The following RYR2 variants were observed in gnomAD, a reference collection of about 807,000 sequenced individuals.
RYR2 encodes the protein ryanodine receptor 2.
In RYR2, 227 loss-of-function variants were observed where a neutral mutation model predicts 601.1. The observed-to-expected ratio is 0.38, with a 90% CI of 0.34 to 0.42. The LOEUF is 0.42. RYR2 is among the 10% of genes least tolerant of loss of function. RYR2 has a pLI of 1.00. For synonymous variants in RYR2, 2,223 were observed against 2,175.1 expected (o/e 1.02, Z -0.61); for missense variants, 4,646 against 6,156.5 (o/e 0.75, Z 8.21).
chr1:237,100,442 A>G (rs1667959794), intron 1 of RYR2, among the ~76,000 whole-genome samples: 1 of 149,366 alleles, frequency 6.7e-6, no homozygotes, highest in Admixed American at 6.7e-5. Flanking sequence ...GCTGGAGTGC[A>G]GTGGTGTGAT....
chr1:237,648,655 A>G (rs759333272), intron 49 of RYR2, 42 bp downstream of exon 49: 20 of 1,575,022 alleles, frequency 1.3e-5, no homozygotes, highest in Non-Finnish European at 1.7e-5. Flanking sequence ...TTGACTCTTC[A>G]CTCTGTGCCT....
chr1:237,218,591 T>A (rs1683440056), intron 1 of RYR2, among the ~76,000 whole-genome samples: 1 of 152,154 alleles, frequency 6.6e-6, no homozygotes, highest in Non-Finnish European at 1.5e-5. Flanking sequence ...TCTTTCAACT[T>A]TAGTGAAATC....
At chr1:237,354,948 A>G (rs1350433421) in intron 3 of RYR2, among the ~76,000 whole-genome samples, 1 of 152,148 alleles carries the variant, frequency 6.6e-6, no homozygotes, top group Non-Finnish European at 1.5e-5. Context: ...CTCATATTTT[A>G]AATATCACTT....
chr1:237,399,769 G>T (rs533746624), intron 10 of RYR2, among the ~76,000 whole-genome samples: 5 of 152,044 alleles, frequency 3.3e-5, no homozygotes, highest in African/African-American at 7.2e-5. Context: ...GAGGGGAGGG[G>T]AGGTACAGAA....
chr1:237,687,498 C>G lies in RYR2; in HGVS notation c.9061C>G (p.Leu3021Val). 1 of 1,597,462 alleles carries G rather than the reference C, an allele frequency of 6.3e-7. No homozygotes were observed. Among genetic ancestry groups the G allele is most frequent in the Non-Finnish European group, 8.5e-7 (1 of 1,169,946 alleles). ...LGVLVRHRIS[L>V]FGNDATSIVN... ...AGTTCTTGTCAGGCATAGGATTTCA[C>G]TATTTGGTAAGGAGACCCTTGAAAA... The change falls in exon 63 of 105, where the codon CTA (leucine) becomes GTA (valine). Residue 3021 changes from leucine (L) to valine (V), a missense_variant. By Grantham distance (32) the Leu-to-Val change is conservative. This residue lies in a region of RYR2 where 1,497 missense variants were observed against 1,842.6 expected (regional missense o/e 0.81). Transcript: ENST00000366574.
At chr1:237,366,048 T>G (rs2149735981) in intron 5 of RYR2, among the ~76,000 whole-genome samples, 1 of 152,374 alleles carries the variant, frequency 6.6e-6, no homozygotes, top group South Asian at 2.1e-4. Context: ...TTAAGTCACG[T>G]AAACAGAAAA....
rs1664090051 is a variant in RYR2 at position 237,496,497 on chromosome 1, C to T, written c.1962-14C>T. The T allele has an allele frequency of 1.2e-6, 2 of 1,608,594 alleles. No individual in the cohort carries two copies. Among genetic ancestry groups the T allele is most frequent in the East Asian group, 2.2e-5 (1 of 44,770 alleles). On this transcript the variant is annotated splice_polypyrimidine_tract_variant and intron_variant, in intron 19 of 104. Coordinates refer to ENST00000366574, the MANE Select transcript of RYR2 (RefSeq NM_001035.3). ...TTTGGACTTTCCTTACATGTGATTCCCGTCTCTTTAAAGCATGAGACCCAA... is the reference window on the plus strand; with the variant it reads ...TTTGGACTTTCCTTACATGTGATTCTCGTCTCTTTAAAGCATGAGACCCAA...
intron 80 of RYR2, among the ~76,000 whole-genome samples, chr1:237,745,033 C>T (rs1299189391): frequency 1.3e-5 from 2 of 151,806 alleles, no homozygotes; most frequent in Admixed American, 6.6e-5. Context: ...TATCTCCTGA[C>T]CTCATGATCC....
intron 56 of RYR2, among the ~76,000 whole-genome samples, chr1:237,664,098 C>G (rs761024630): frequency 3.3e-5 from 5 of 152,154 alleles, no homozygotes; most frequent in African/African-American, 7.2e-5. Context: ...AATTTCTTAC[C>G]TTGTATCTGT....
At chr1:237,297,060 C>T (rs897989612) in intron 2 of RYR2, among the ~76,000 whole-genome samples, 3 of 151,712 alleles carry the variant, frequency 2.0e-5, no homozygotes, top group Non-Finnish European at 2.9e-5. Flanking sequence ...TTGGAAATGA[C>T]GTAACAAATG....
chr1:237,661,201 A>C (rs539479764), intron 56 of RYR2, among the ~76,000 whole-genome samples: 16 of 152,186 alleles, frequency 1.1e-4, no homozygotes, highest in South Asian at 4.1e-4. Context: ...GTTGTAGGAC[A>C]TGGATGAAGC....
chr1:237,686,233 T>C (rs1686378279), intron 62 of RYR2, among the ~76,000 whole-genome samples: 1 of 152,238 alleles, frequency 6.6e-6, no homozygotes, highest in South Asian at 2.1e-4. Flanking sequence ...TGGGTGGTAC[T>C]ATACACATGG....
At chr1:237,574,914 AC>A (rs778463746) in intron 29 of RYR2, among the ~76,000 whole-genome samples, 3 of 152,208 alleles carry the variant, frequency 2.0e-5, no homozygotes, top group Non-Finnish European at 2.9e-5. Flanking sequence ...CCTCTGACCT[AC>A]AGAACTATGA....
rs113995551 is a variant in RYR2, at chr1:237,648,672, G to A, written c.7512+59G>A. On this transcript the variant is annotated intron_variant, in intron 49 of 104. Transcript: ENST00000366574. The stretch of plus-strand genomic sequence containing the variant: ...GACTCTTCACTCTGTGCCTTATGAT[G>A]TTCTTTTTTATATATCCATTCATTA... The A allele has an allele frequency of 5.9e-4, 884 of 1,508,436 alleles. 6 individuals carry two copies. The African/African-American group carries it at 0.011, about 19-fold the overall frequency. The allele number at this position is 1,508,436 out of a possible 1,614,324, so 93.4% of individuals were successfully genotyped here. A position where few individuals can be genotyped will look rare whatever the true frequency, so the allele number is the denominator to read the frequency against.
intron 61 of RYR2, among the ~76,000 whole-genome samples, chr1:237,678,321 T>G (rs1332340730): frequency 1.3e-5 from 2 of 152,244 alleles, no homozygotes; most frequent in Non-Finnish European, 2.9e-5. Context: ...GCATTCCTTC[T>G]TCAAATGACT....
At chr1:237,663,298 A>G (rs1294093724) in intron 56 of RYR2, among the ~76,000 whole-genome samples, 2 of 152,122 alleles carry the variant, frequency 1.3e-5, no homozygotes, top group African/African-American at 4.8e-5. Flanking sequence ...TTCCTATGTG[A>G]TTATAAAGCA....
intron 1 of RYR2, among the ~76,000 whole-genome samples, chr1:237,116,505 A>G (rs1326455034): frequency 6.6e-6 from 1 of 152,100 alleles, no homozygotes; most frequent in East Asian, 1.9e-4. Context: ...CTATTTGCTT[A>G]CACACACACA....
rs144126855 is a variant in RYR2 at position 237,258,608 on chromosome 1, T to C, written c.49-11889T>C. On this transcript the variant is annotated intron_variant, in intron 1 of 104. Coordinates refer to ENST00000366574, the MANE Select transcript of RYR2 (RefSeq NM_001035.3). ...TATGTACCTCTTGGTTTCTGTGACATTTAAGAAAAGTGTTCAAGACTTTCT... is the reference window on the plus strand; with the variant it reads ...TATGTACCTCTTGGTTTCTGTGACACTTAAGAAAAGTGTTCAAGACTTTCT... Among the ~76,000 whole-genome samples, 291 of 152,344 alleles carry C rather than the reference T, an allele frequency of 1.9e-3. 1 individual carries two copies. Among genetic ancestry groups the C allele is most frequent in the African/African-American group, 6.6e-3 (276 of 41,582 alleles).
At chr1:237,083,927 T>C (rs6699533) in intron 1 of RYR2, among the ~76,000 whole-genome samples, 126,114 of 152,104 alleles carry the variant, frequency 0.83, 54,192 homozygotes, top group Non-Finnish European at 0.96. Context: ...TCAGTGCAGA[T>C]CAGCCACATT....
Sources: allele counts gnomAD v4.1 joint callset (sites outside exome capture counted in the v4.1 genomes callset), GRCh38; gene constraint gnomAD v4.1.1; regional missense constraint gnomAD v4.1.1; transcripts MANE v1.5; gene names NCBI Gene and HGNC (gene_info 2026-07-23, HGNC 2026-07-21).